PTPRM: variants seen among roughly 807,000 people sequenced by gnomAD.
The protein encoded by PTPRM is receptor-type tyrosine-protein phosphatase mu.
Under a neutral mutation model 186.7 loss-of-function variants are expected in PTPRM, and 47 were observed. The observed-to-expected ratio is 0.25, with a 90% CI of 0.20 to 0.32. The LOEUF is 0.32. Ranked by LOEUF, PTPRM falls within the 10% of genes least tolerant of loss-of-function variation. The pLI is 1.00. For missense variants in PTPRM, 1,494 were observed against 1,865.0 expected (o/e 0.80, Z 3.66); for synonymous variants, 668 against 674.9 (o/e 0.99, Z 0.16).
intron 8 of PTPRM, among the ~76,000 whole-genome samples, chr18:8,071,323 C>A (rs981381626): frequency 6.6e-6 from 1 of 152,152 alleles, no homozygotes; most frequent in Non-Finnish European, 1.5e-5. Context: ...GTTTCTACTT[C>A]CAAAGTTTTA....
chr18:8,334,047 T>A (rs953320575), intron 22 of PTPRM, among the ~76,000 whole-genome samples: 1 of 152,200 alleles, frequency 6.6e-6, no homozygotes, highest in Non-Finnish European at 1.5e-5. Context: ...AGGCACTTCA[T>A]CTCCTAAGCC....
intron 1 of PTPRM, chr18:7,747,737 G>A (rs2041028499): frequency 1.3e-5 from 2 of 152,112 alleles, no homozygotes; most frequent in African/African-American, 4.8e-5. Flanking sequence ...CACCCTACTT[G>A]ATTATGTCCT....
At chr18:8,266,662 C>T (rs960205807) in intron 19 of PTPRM, among the ~76,000 whole-genome samples, 9 of 152,148 alleles carry the variant, frequency 5.9e-5, no homozygotes, top group Non-Finnish European at 8.8e-5. Flanking sequence ...ATAATCTCAG[C>T]ACTTTGGGAG....
At chr18:8,341,773 C>G (rs1330796205) in intron 22 of PTPRM, among the ~76,000 whole-genome samples, 1 of 151,500 alleles carries the variant, frequency 6.6e-6, no homozygotes, top group Non-Finnish European at 1.5e-5. Flanking sequence ...AAGTAACAAG[C>G]TGTTAAGTAC....
At chr18:8,107,894 A>G (rs1254991159) in intron 11 of PTPRM, among the ~76,000 whole-genome samples, 1 of 152,242 alleles carries the variant, frequency 6.6e-6, no homozygotes, top group Non-Finnish European at 1.5e-5. Flanking sequence ...TCTGAGCAGT[A>G]ATAACAAACA....
At chr18:7,834,503 C>CACACAT (rs2045932408) in intron 2 of PTPRM, among the ~76,000 whole-genome samples, 1 of 143,102 alleles carries the variant, frequency 7.0e-6, no homozygotes, top group African/African-American at 2.6e-5. Context: ...CACACACACA[C>CACACAT]ACACACACAC....
rs1568064436 is a variant in PTPRM, at chr18:7,737,137, A to AT, written c.74-37005dup. Among the ~76,000 whole-genome samples the AT allele has an allele frequency of 7.5e-5, 11 of 145,812 alleles. 1 individual carries two copies. In the South Asian group the frequency reaches 2.4e-3, roughly 32 times the overall value. ...GGAATTTTATTTTATTTTATTTTTTATTTTTTTGGAGACAGAGTCACACTC... is the reference window on the plus strand; with the variant it reads ...GGAATTTTATTTTATTTTATTTTTTATTTTTTTTGGAGACAGAGTCACACTC... On this transcript the variant is annotated intron_variant, in intron 1 of 32. Transcript: ENST00000580170.
chr18:7,990,828 G>A (rs1442219663), intron 7 of PTPRM, among the ~76,000 whole-genome samples: 1 of 152,118 alleles, frequency 6.6e-6, no homozygotes, highest in Non-Finnish European at 1.5e-5. Context: ...ATGATGGTGG[G>A]GCCTGGGGGA....
chr18:8,356,976 G>A (rs897595257), intron 23 of PTPRM, among the ~76,000 whole-genome samples: 1 of 152,176 alleles, frequency 6.6e-6, no homozygotes, highest in African/African-American at 2.4e-5. Flanking sequence ...TTGGTGACGG[G>A]ATCCATTTGA....
intron 19 of PTPRM, among the ~76,000 whole-genome samples, chr18:8,295,991 A>G (rs2095092994): frequency 6.6e-6 from 1 of 152,220 alleles, no homozygotes; most frequent in Non-Finnish European, 1.5e-5. Context: ...ACATCACTGT[A>G]TCTCTTACAA....
chr18:8,194,561 C>T (rs2093750564), intron 14 of PTPRM, among the ~76,000 whole-genome samples: 1 of 152,226 alleles, frequency 6.6e-6, no homozygotes, highest in Non-Finnish European at 1.5e-5. Context: ...GCTCCAGCTC[C>T]ATCCATGGTA....
intron 1 of PTPRM, among the ~76,000 whole-genome samples, chr18:7,745,004 C>G (rs994536189): frequency 2.6e-5 from 4 of 152,022 alleles, no homozygotes; most frequent in African/African-American, 9.7e-5. Context: ...TAATAGTGGT[C>G]AAGAAAATCA....
intron 2 of PTPRM, among the ~76,000 whole-genome samples, chr18:7,783,306 G>C (rs1568124869): frequency 2.6e-5 from 4 of 152,250 alleles, no homozygotes; most frequent in Middle Eastern, 6.8e-3. Context: ...GGGCTCCATA[G>C]TGTGAGGGAC....
chr18:7,654,627 T>C (rs1568008262), intron 1 of PTPRM, among the ~76,000 whole-genome samples: 1 of 152,214 alleles, frequency 6.6e-6, no homozygotes, highest in Non-Finnish European at 1.5e-5. Context: ...AATTTTAGCA[T>C]AGTATGTAGA....
chr18:8,090,168 C>T (rs2090636339), intron 11 of PTPRM, among the ~76,000 whole-genome samples: 1 of 152,180 alleles, frequency 6.6e-6, no homozygotes, highest in Non-Finnish European at 1.5e-5. Context: ...GGACCCAAGG[C>T]ACGCATTAGA....
intron 2 of PTPRM, among the ~76,000 whole-genome samples, chr18:7,776,210 A>T (rs1424039980): frequency 6.6e-6 from 1 of 152,240 alleles, no homozygotes; most frequent in East Asian, 1.9e-4. Context: ...CCTTTGTAGC[A>T]TAAGATCTGT....
At chr18:8,394,849 T>G (rs2095838160) in intron 32 of PTPRM, among the ~76,000 whole-genome samples, 1 of 152,224 alleles carries the variant, frequency 6.6e-6, no homozygotes, top group South Asian at 2.1e-4. Flanking sequence ...TAGCTGAAAC[T>G]CACAAGTGAA....
chr18:7,655,533 C>T (rs989627055), intron 1 of PTPRM, among the ~76,000 whole-genome samples: 2 of 152,184 alleles, frequency 1.3e-5, no homozygotes, highest in South Asian at 4.1e-4. Context: ...TAGATATGAT[C>T]CAGCAATTCT....
chr18:7,602,776 T>A (rs181106741), intron 1 of PTPRM, among the ~76,000 whole-genome samples: 2 of 150,720 alleles, frequency 1.3e-5, no homozygotes, highest in Admixed American at 6.6e-5. Flanking sequence ...AGTGTTGGCA[T>A]TTAAAAAAAG....
Sources: gnomAD v4.1 joint callset for allele counts (sites outside exome capture counted in the v4.1 genomes callset) on GRCh38, gnomAD v4.1.1 for gene constraint, MANE v1.5 for transcripts, NCBI Gene and HGNC (gene_info 2026-07-23, HGNC 2026-07-21) for gene names.